IPO11: variants seen among roughly 807,000 people sequenced by gnomAD.
IPO11 encodes importin 11.
A neutral mutation model predicts 143.2 loss-of-function variants in IPO11; 66 were observed. That is an observed-to-expected ratio of 0.46 (90% CI 0.38 to 0.57). The LOEUF is 0.57. Among genes scored for constraint, IPO11 ranks in the 20% least tolerant of loss-of-function variants. The pLI is 0.00. For synonymous variants in IPO11, 385 were observed against 377.8 expected, an observed-to-expected ratio of 1.02 and a Z score of -0.22; for missense variants, 1,026 against 1,141.0, an observed-to-expected ratio of 0.90 and a Z score of 1.45.
At position 62,593,205 on chromosome 5, in the gene IPO11, A is replaced by T. The variant is rs1024974917; in HGVS notation, c.2678+1533A>T. On this transcript the variant is annotated intron_variant, in intron 28 of 29. Transcript: ENST00000325324. ...AAGAAAAAAAGGCACTATATGTTAC[A>T]GTCTTCAGGGAAGGATAAGGGTTAG... Among the ~76,000 whole-genome samples the T allele has an allele frequency of 3.9e-5, 6 of 152,226 alleles. 1 individual carries two copies. Among genetic ancestry groups the T allele is most frequent in the African/African-American group, 1.4e-4 (6 of 41,462 alleles).
At chr5:62,620,517 TAA>T (rs71608518) in intron 29 of IPO11, among the ~76,000 whole-genome samples, 3,115 of 105,812 alleles carry the variant, frequency 0.029, 110 homozygotes, top group African/African-American at 0.099. Context: ...AGACTCTGTC[TAA>T]AAAAAAAAAA....
Position 62,580,881 on chromosome 5 carries a change from G to A in IPO11, c.2583-10696G>A. On this transcript the variant is annotated intron_variant, in intron 27 of 29. Coordinates refer to ENST00000325324, the MANE Select transcript of IPO11 (RefSeq NM_016338.5). Reference sequence around the variant, plus strand: ...GTAATCCATTAGAGACTACAGCAGTGTTACCTGTGCAAATACAACTTACTA... The same window carrying A: ...GTAATCCATTAGAGACTACAGCAGTATTACCTGTGCAAATACAACTTACTA... The A allele has an allele frequency of 3.2e-6, 5 of 1,551,328 alleles. No homozygotes were observed. The South Asian group carries it at 5.9e-5, about 18-fold the overall frequency.
At chr5:62,465,517 T>C (rs936459272) in intron 5 of IPO11, among the ~76,000 whole-genome samples, 1 of 152,232 alleles carries the variant, frequency 6.6e-6, no homozygotes. Context: ...TGGGAAAATG[T>C]CACTTTCAAA....
intron 27 of IPO11, chr5:62,580,931 AAAAC>A: frequency 1.3e-6 from 2 of 1,551,386 alleles, no homozygotes; most frequent in South Asian, 2.4e-5. Flanking sequence ...AACTTGGAAA[AAAAC>A]AGTGCTCTAC....
intron 29 of IPO11, among the ~76,000 whole-genome samples, chr5:62,617,085 A>T (rs1004682962): frequency 1.3e-5 from 2 of 152,188 alleles, no homozygotes; most frequent in African/African-American, 4.8e-5. Flanking sequence ...GATTCTCATA[A>T]GATTTGCTCA....
intron 21 of IPO11, among the ~76,000 whole-genome samples, chr5:62,529,872 CGTGGAT>C (rs139993014): frequency 0.03 from 4,628 of 152,070 alleles, 231 homozygotes; most frequent in African/African-American, 0.11. Context: ...GATAACCCAC[CGTGGAT>C]GTGTATTATG....
intron 16 of IPO11, among the ~76,000 whole-genome samples, chr5:62,496,007 G>A (rs1053730345): frequency 1.2e-4 from 19 of 152,034 alleles, no homozygotes; most frequent in African/African-American, 3.9e-4. Flanking sequence ...ATGTGCATTT[G>A]TGGCATGCGT....
intron 4 of IPO11, among the ~76,000 whole-genome samples, chr5:62,451,033 G>A (rs556165349): frequency 6.6e-6 from 1 of 152,302 alleles, no homozygotes; most frequent in Non-Finnish European, 1.5e-5. Flanking sequence ...GGGGCAGGAG[G>A]TGATTAGGGA....
chr5:62,580,209 C>T (rs1203068046), intron 27 of IPO11: 5 of 1,551,000 alleles, frequency 3.2e-6, no homozygotes, highest in South Asian at 2.4e-5. Flanking sequence ...TGGAATACCT[C>T]CTCCTGAAAA....
At chr5:62,547,488 G>T (rs1347157569) in intron 24 of IPO11, among the ~76,000 whole-genome samples, 2 of 152,204 alleles carry the variant, frequency 1.3e-5, no homozygotes, top group Admixed American at 6.5e-5. Flanking sequence ...TATGTTGCCA[G>T]TTCTAGTTCT....
At chr5:62,524,047 T>C (rs1481928250) in intron 20 of IPO11, among the ~76,000 whole-genome samples, 1 of 152,148 alleles carries the variant, frequency 6.6e-6, no homozygotes, top group African/African-American at 2.4e-5. Context: ...TCTCCCCTCT[T>C]TAATTATTCC....
At chr5:62,435,188 A>ATGTATATATATGTATATATGTG (rs1744166539) in intron 1 of IPO11, among the ~76,000 whole-genome samples, 1 of 116,260 alleles carries the variant, frequency 8.6e-6, no homozygotes, top group African/African-American at 3.4e-5. Flanking sequence ...ATGTATATAT[A>ATGTATATATATGTATATATGTG]TGTATATATA....
intron 1 of IPO11, among the ~76,000 whole-genome samples, chr5:62,435,074 A>T (rs534921211): frequency 9.7e-6 from 1 of 103,248 alleles, no homozygotes; most frequent in Non-Finnish European, 2.0e-5. Context: ...ATATATATGT[A>T]TATATATGTG....
At chr5:62,435,160 A>ATG (rs1744158608) in intron 1 of IPO11, among the ~76,000 whole-genome samples, 1 of 105,916 alleles carries the variant, frequency 9.4e-6, no homozygotes, top group African/African-American at 3.9e-5. Flanking sequence ...ATGTATATAT[A>ATG]TGTATATATA....
At chr5:62,589,323 G>C (rs757023345) in intron 27 of IPO11, among the ~76,000 whole-genome samples, 1 of 151,992 alleles carries the variant, frequency 6.6e-6, no homozygotes, top group Non-Finnish European at 1.5e-5. Flanking sequence ...TTGACTTTTG[G>C]TGATGTTGGT....
Position 62,627,253 on chromosome 5 carries a change from T to C in IPO11, c.2863T>C (p.Ser955Pro). The C allele has an allele frequency of 6.2e-7, 1 of 1,614,040 alleles. No homozygotes were observed. The highest frequency in any genetic ancestry group is 8.5e-7 in the Non-Finnish European group (1 of 1,179,994). The change falls in exon 30 of 30, where the codon TCC (serine) becomes CCC (proline). Residue 955 changes from serine to proline, a missense_variant. Around this residue, in one of 5 missense-constraint regions of IPO11, gnomAD observed 351 missense variants for 358.9 expected, o/e 0.98. Coordinates refer to ENST00000325324, the MANE Select transcript of IPO11 (RefSeq NM_016338.5). ...QEMLGEQGFQ[S>P]LMETVDTEIV... is the part of the protein sequence containing the mutation. ...GATGCTAGGAGAACAAGGTTTCCAG[T>C]CCCTCATGGAAACAGTGGATACGGA...
chr5:62,541,745 A>G (rs1258151705), intron 24 of IPO11, among the ~76,000 whole-genome samples: 2 of 152,152 alleles, frequency 1.3e-5, no homozygotes, highest in African/African-American at 2.4e-5. Flanking sequence ...AGAATAACAC[A>G]ATCTTTTTAA....
intron 2 of IPO11, 36 bp from the exon 3 acceptor site, chr5:62,442,947 C>G: frequency 8.6e-7 from 1 of 1,167,128 alleles, no homozygotes; most frequent in Non-Finnish European, 1.2e-6. Context: ...TTTACTTATT[C>G]CATGCTAATT....
Position 62,504,987 on chromosome 5 carries a change from TG to T in IPO11, c.1665+90del. On this transcript the variant is annotated intron_variant, in intron 18 of 29. Coordinates refer to ENST00000325324, the MANE Select transcript of IPO11 (RefSeq NM_016338.5). ...TATTTTATACATGAAATTATCTATG[TG>T]TTACTTATTAAAGTTGAATTTAAAA... 6 of 675,058 alleles carry T rather than the reference TG, an allele frequency of 8.9e-6. No individual in the cohort carries two copies. In the South Asian group the frequency reaches 1.3e-4, roughly 15 times the overall value. The allele number at this position is 675,058 out of a possible 1,614,324, so 41.8% of individuals were successfully genotyped here. A position where few individuals can be genotyped will look rare whatever the true frequency, so the allele number is the denominator to read the frequency against.
Sources: gnomAD v4.1 joint callset for allele counts (sites outside exome capture counted in the v4.1 genomes callset) on GRCh38, gnomAD v4.1.1 for gene constraint, gnomAD v4.1.1 regional missense constraint, MANE v1.5 for transcripts, NCBI Gene and HGNC (gene_info 2026-07-23, HGNC 2026-07-21) for gene names.